The following UNC13B variants were observed in gnomAD, a reference collection of about 807,000 sequenced individuals.
UNC13B encodes the protein unc-13 homolog B.
In UNC13B, 144 loss-of-function variants were observed where a neutral mutation model predicts 211.0. That is an observed-to-expected ratio of 0.68 (90% CI 0.60 to 0.78). UNC13B has a LOEUF of 0.78. UNC13B is among the 30% of genes least tolerant of loss of function. The pLI is 0.00. For missense variants in UNC13B, 1,777 were observed against 2,002.0 expected, an observed-to-expected ratio of 0.89 and a Z score of 2.14; for synonymous variants, 709 against 725.8, an observed-to-expected ratio of 0.98 and a Z score of 0.37.
At chr9:35,382,737 G>T (rs1486139143) in intron 21 of UNC13B, among the ~76,000 whole-genome samples, 1 of 151,656 alleles carries the variant, frequency 6.6e-6, no homozygotes. Flanking sequence ...TAATTTTTGT[G>T]CTTTTAGTAG....
intron 1 of UNC13B, among the ~76,000 whole-genome samples, chr9:35,203,981 C>T (rs1277983130): frequency 6.6e-6 from 1 of 152,206 alleles, no homozygotes; most frequent in Non-Finnish European, 1.5e-5. Flanking sequence ...GCCCAGAGGC[C>T]TAGGAAGGAA....
intron 7 of UNC13B, among the ~76,000 whole-genome samples, chr9:35,271,575 C>T (rs941134690): frequency 6.6e-6 from 1 of 152,146 alleles, no homozygotes; most frequent in African/African-American, 2.4e-5. Context: ...TGTTCCTTTT[C>T]CAAACATACC....
At chr9:35,386,389 G>T (rs1018798089) in intron 24 of UNC13B, 96 bp downstream of exon 24, 12 of 1,518,722 alleles carry the variant, frequency 7.9e-6, no homozygotes, top group Admixed American at 1.8e-5. Flanking sequence ...TCAGGACAAA[G>T]TACTTGATGT....
intron 11 of UNC13B, among the ~76,000 whole-genome samples, chr9:35,366,672 A>G (rs1833791107): frequency 6.6e-6 from 1 of 152,156 alleles, no homozygotes; most frequent in Non-Finnish European, 1.5e-5. Flanking sequence ...TATAAGAGTG[A>G]TATGAGTTCT....
In UNC13B at chr9:35,307,283, AG is replaced by A; in HGVS notation, c.7880del (p.Ser2627MetfsTer18). On this transcript the variant is annotated frameshift_variant, in exon 9 of 40. Coordinates refer to ENST00000635942, the MANE Select transcript of UNC13B (RefSeq NM_001371189.2). LOFTEE classifies it high-confidence loss of function. ...TACTGGGCAAGGAGTATTGTCTCTGAGTGATGAAGGAGACATGGGGATATTG... is the reference window on the plus strand; with the variant it reads ...TACTGGGCAAGGAGTATTGTCTCTGATGATGAAGGAGACATGGGGATATTG... The part of the protein sequence containing the change: ...DDTGQGVLSL[S>X]DEGDMGILQA... 2.5e-6 allele frequency: 1 copy of A among 398,994 alleles called. No individual in the cohort carries two copies. The highest frequency in any genetic ancestry group is 1.3e-4 in the South Asian group (1 of 7,846). 24.7% of individuals were successfully genotyped at this position (398,994 alleles called of 1,614,324 possible).
chr9:35,270,400 A>T (rs1564105158), intron 7 of UNC13B, among the ~76,000 whole-genome samples: 1 of 152,108 alleles, frequency 6.6e-6, no homozygotes, highest in Admixed American at 6.5e-5. Flanking sequence ...ATATATACAC[A>T]TATATACACA....
intron 1 of UNC13B, among the ~76,000 whole-genome samples, chr9:35,174,640 C>T (rs10972370): frequency 0.55 from 83,848 of 151,302 alleles, 23,524 homozygotes; most frequent in South Asian, 0.6. Context: ...CTCTGCGTCC[C>T]GGGTTCACGC....
At chr9:35,370,929 G>A (rs752246894) in intron 13 of UNC13B, among the ~76,000 whole-genome samples, 77 of 152,164 alleles carry the variant, frequency 5.1e-4, no homozygotes, top group Non-Finnish European at 8.7e-4. Context: ...AGTTAAAGCT[G>A]ATCCCAGGGC....
Position 35,183,222 on chromosome 9 carries a change from G to A in UNC13B, c.22+20917G>A, listed in dbSNP as rs181849916. On this transcript the variant is annotated intron_variant, in intron 1 of 39. Transcript: ENST00000635942. ...AGACGATGGGCGGTCGGGCAGAGGCGCTCCCCACCTCCCAGACGAAGGGCG... is the reference window on the plus strand; with the variant it reads ...AGACGATGGGCGGTCGGGCAGAGGCACTCCCCACCTCCCAGACGAAGGGCG... Among the ~76,000 whole-genome samples, 1,017 of 141,124 alleles carry A rather than the reference G, an allele frequency of 7.2e-3. 9 individuals are homozygous for A. The highest frequency in any genetic ancestry group is 0.034 in the Middle Eastern group (8 of 234). The allele number at this position is 141,124 out of a possible 152,430, so 92.6% of individuals were successfully genotyped here.
intron 13 of UNC13B, among the ~76,000 whole-genome samples, chr9:35,371,678 C>A (rs1347982431): frequency 6.6e-6 from 1 of 151,874 alleles, no homozygotes; most frequent in Admixed American, 6.6e-5. Flanking sequence ...TAGTTTATTT[C>A]TTGCTATCCC....
chr9:35,382,813 C>T (rs1428848533), intron 21 of UNC13B, among the ~76,000 whole-genome samples: 1 of 152,150 alleles, frequency 6.6e-6, no homozygotes, highest in African/African-American at 2.4e-5. Flanking sequence ...ATCCACTCAC[C>T]TCGGCCTCCC....
In UNC13B at chr9:35,404,768, A is replaced by G. The variant is rs1836569847; in HGVS notation, c.*735A>G. On this transcript the variant is annotated 3_prime_UTR_variant, in exon 40 of 40. Coordinates refer to ENST00000635942, the MANE Select transcript of UNC13B (RefSeq NM_001371189.2). ...GTCTCCCTGCCTCACTCCTCTAGGC[A>G]GGGGAGTGATGCTTCAGGACGTGAC... 1 of 152,542 alleles carries G rather than the reference A, an allele frequency of 6.6e-6. No homozygotes were observed. The highest frequency in any genetic ancestry group is 1.5e-5 in the Non-Finnish European group (1 of 68,056). The allele number at this position is 152,542 out of a possible 1,614,324, so 9.4% of individuals were successfully genotyped here. A position where few individuals can be genotyped will look rare whatever the true frequency, so the allele number is the denominator to read the frequency against.
In UNC13B at chr9:35,396,596, AC is replaced by A. The variant is rs1322570051; in HGVS notation, c.11432del (p.Pro3811GlnfsTer77). ...LPVLQGQVPEYPAWFEQFVLQ... is the reference protein window; with the variant it reads ...LPVLQGQVPEXPAWFEQFVLQ... The stretch of plus-strand genomic sequence containing the variant: ...GTCCTCCAGGGGCAGGTGCCTGAGT[AC>A]CCAGCGTGAGTCATCATGTGGGCAC... On this transcript the variant is annotated frameshift_variant, in exon 27 of 40. Coordinates refer to ENST00000635942, the MANE Select transcript of UNC13B (RefSeq NM_001371189.2). LOFTEE classifies it high-confidence loss of function. 1 of 1,613,788 alleles carries A rather than the reference AC, an allele frequency of 6.2e-7. No individual in the cohort carries two copies. Among genetic ancestry groups the A allele is most frequent in the East Asian group, 2.2e-5 (1 of 44,854 alleles).
intron 11 of UNC13B, among the ~76,000 whole-genome samples, chr9:35,317,283 G>A (rs570510555): frequency 3.5e-4 from 53 of 152,024 alleles, no homozygotes; most frequent in Admixed American, 6.6e-4. Flanking sequence ...TCACTGCAGC[G>A]TCAACCTCCT....
chr9:35,255,345 A>C (rs896997344), intron 6 of UNC13B, among the ~76,000 whole-genome samples: 12 of 151,152 alleles, frequency 7.9e-5, no homozygotes, highest in Admixed American at 5.3e-4. Flanking sequence ...TATTATTAAC[A>C]TCTTACATTA....
intron 7 of UNC13B, among the ~76,000 whole-genome samples, chr9:35,278,774 A>C (rs554255376): frequency 6.6e-6 from 1 of 152,272 alleles, no homozygotes; most frequent in Non-Finnish European, 1.5e-5. Flanking sequence ...ACAAAATTCG[A>C]TGTAAAAATG....
intron 6 of UNC13B, among the ~76,000 whole-genome samples, chr9:35,247,062 C>T (rs1826144818): frequency 6.6e-6 from 1 of 152,038 alleles, no homozygotes; most frequent in South Asian, 2.1e-4. Flanking sequence ...TTGAAGAGGT[C>T]CTTCACATCC....
intron 1 of UNC13B, among the ~76,000 whole-genome samples, chr9:35,180,845 C>G (rs2131297418): frequency 6.6e-6 from 1 of 151,864 alleles, no homozygotes; most frequent in East Asian, 1.9e-4. Context: ...GCCTGTAATC[C>G]CAGCACTCTG....
chr9:35,320,410 TC>T (rs926344590), intron 11 of UNC13B, among the ~76,000 whole-genome samples: 35 of 152,344 alleles, frequency 2.3e-4, no homozygotes, highest in African/African-American at 8.2e-4. Flanking sequence ...CAATTTATAC[TC>T]CCACTAGTAA....
Sources: gnomAD v4.1 joint callset for allele counts (sites outside exome capture counted in the v4.1 genomes callset) on GRCh38, gnomAD v4.1.1 for gene constraint, MANE v1.5 for transcripts, NCBI Gene and HGNC (gene_info 2026-07-23, HGNC 2026-07-21) for gene names.